Variants in IMPA1 observed in about 807,000 individuals in gnomAD.
IMPA1 encodes the protein inositol monophosphatase 1.
IMPA1 carries 21 observed loss-of-function variants against 34.9 expected under a neutral mutation model. The observed-to-expected ratio is 0.60, with a 90% CI of 0.43 to 0.87. IMPA1 has a LOEUF of 0.87. Ranked by LOEUF, IMPA1 falls within the 40% of genes least tolerant of loss-of-function variation. The pLI is 0.00. For synonymous variants in IMPA1, 95 were observed against 104.4 expected, an observed-to-expected ratio of 0.91 and a Z score of 0.55; for missense variants, 299 against 336.4, an observed-to-expected ratio of 0.89 and a Z score of 0.87.
At chr8:81,661,701 A>C (rs1806677465) in intron 7 of IMPA1, among the ~76,000 whole-genome samples, 1 of 152,266 alleles carries the variant, frequency 6.6e-6, no homozygotes, top group Non-Finnish European at 1.5e-5. Context: ...TCAAAATTTG[A>C]ATAAAGTCTT....
At chr8:81,685,799 T>A in intron 1 of IMPA1, 1 of 1,543,194 alleles carries the variant, frequency 6.5e-7, no homozygotes, top group African/African-American at 1.4e-5. Context: ...CTGAACTGTT[T>A]CCTGCTGTTT....
chr8:81,671,078 A>T (rs1001494399), intron 6 of IMPA1, 31 bp from the exon 7 acceptor site: 4 of 1,094,196 alleles, frequency 3.7e-6, no homozygotes, highest in Non-Finnish European at 5.1e-6. Context: ...TTCAATATTT[A>T]GACTTCTAGA....
At chr8:81,684,526 G>C (rs117408877) in intron 1 of IMPA1, among the ~76,000 whole-genome samples, 9,758 of 120,034 alleles carry the variant, frequency 0.081, 979 homozygotes, top group East Asian at 0.5. Flanking sequence ...ACTATGTGTA[G>C]TATATATACT....
chr8:81,660,209 G>A lies in IMPA1; in HGVS notation c.718+307C>T, dbSNP rs1425215136. On this transcript the variant is annotated intron_variant, in intron 8 of 8. Transcript: ENST00000256108. ...TGGGCCACATTCAAAGCCATCCTGA[G>A]CCACATGTGGCCCATGGACTGCAGG... 3.3e-5 allele frequency among the ~76,000 whole-genome samples: 5 copies of A among 152,252 alleles called. No homozygotes were observed. The South Asian group carries it at 1.0e-3, about 32-fold the overall frequency.
At chr8:81,680,804 G>T in intron 2 of IMPA1, 21 bp from the exon 3 acceptor site, 2 of 1,555,802 alleles carry the variant, frequency 1.3e-6, no homozygotes, top group Admixed American at 1.8e-5. Context: ...GTTTTGGTAA[G>T]CAAATAGAAA....
rs967092214 is a variant in IMPA1, at chr8:81,658,110, T to G, written c.*1241A>C. ...TTAGTATCACACATACTTAATATAT[T>G]AGATATACACAATAATAAAATCACT... On this transcript the variant is annotated 3_prime_UTR_variant, in exon 9 of 9. Transcript: ENST00000256108. 61 of 152,150 alleles carry G rather than the reference T, an allele frequency of 4.0e-4. 1 individual carries two copies. Among genetic ancestry groups the G allele is most frequent in the African/African-American group, 1.4e-3 (60 of 41,424 alleles). 9.4% of individuals were successfully genotyped at this position (152,150 alleles called of 1,614,324 possible).
chr8:81,673,943 A>C lies in IMPA1; in HGVS notation c.355T>G (p.Phe119Val). 6.2e-7 allele frequency: 1 copy of C among 1,601,106 alleles called. No homozygotes were observed. The highest frequency in any genetic ancestry group is 2.2e-5 in the East Asian group (1 of 44,794). ...TCCACACAACTGTACACAACTCCAA[A>C]TTCTATCTGCAGAGGAAAACAAGTT... Reference protein sequence around the residue: ...IGFAVNKKIEFGVVYSCVEGK... With the variant: ...IGFAVNKKIEVGVVYSCVEGK... Residue 119 changes from phenylalanine to valine, a missense_variant, in exon 6 of 9, where the codon TTT (phenylalanine) becomes GTT (valine). Coordinates refer to ENST00000256108, the MANE Select transcript of IMPA1 (RefSeq NM_005536.4).
intron 4 of IMPA1, among the ~76,000 whole-genome samples, chr8:81,677,555 T>C (rs998520285): frequency 3.9e-5 from 6 of 152,234 alleles, no homozygotes; most frequent in African/African-American, 7.2e-5. Context: ...CATGACAGTC[T>C]GAACACAGGT....
intron 7 of IMPA1, among the ~76,000 whole-genome samples, chr8:81,666,025 T>C (rs1159417245): frequency 6.6e-6 from 1 of 152,174 alleles, no homozygotes; most frequent in Non-Finnish European, 1.5e-5. Flanking sequence ...CATTTTATAA[T>C]GTTAAATGAA....
At chr8:81,668,688 T>C (rs1197598482) in intron 7 of IMPA1, among the ~76,000 whole-genome samples, 1 of 152,106 alleles carries the variant, frequency 6.6e-6, no homozygotes. Flanking sequence ...AAAGGTGTGT[T>C]CAAAGGAGGA....
intron 4 of IMPA1, chr8:81,678,839 T>A (rs1171973475): frequency 1.7e-5 from 5 of 299,316 alleles, no homozygotes; most frequent in Non-Finnish European, 3.2e-5. Context: ...AGCAATGTTG[T>A]TTGCTTCCCT....
intron 7 of IMPA1, among the ~76,000 whole-genome samples, chr8:81,661,040 T>C (rs1235331652): frequency 2.6e-5 from 4 of 152,066 alleles, no homozygotes; most frequent in Non-Finnish European, 4.4e-5. Context: ...ACAATGCAAA[T>C]AGTCTCTAGG....
chr8:81,662,923 T>A (rs1329735754), intron 7 of IMPA1, among the ~76,000 whole-genome samples: 1 of 152,204 alleles, frequency 6.6e-6, no homozygotes, highest in Non-Finnish European at 1.5e-5. Context: ...TAAATGTTGG[T>A]TCTTAGGAAC....
At chr8:81,683,856 G>C (rs1052411957) in intron 1 of IMPA1, among the ~76,000 whole-genome samples, 1 of 152,128 alleles carries the variant, frequency 6.6e-6, no homozygotes, top group African/African-American at 2.4e-5. Context: ...GATCCAAATG[G>C]AACAGACTGA....
At chr8:81,680,349 G>C (rs967862173) in intron 3 of IMPA1, among the ~76,000 whole-genome samples, 1 of 152,154 alleles carries the variant, frequency 6.6e-6, no homozygotes, top group Admixed American at 6.5e-5. Context: ...ACCTGCTCTG[G>C]ACTAGGAGAT....
intron 1 of IMPA1, among the ~76,000 whole-genome samples, chr8:81,684,085 G>C (rs1291236352): frequency 6.7e-6 from 1 of 148,308 alleles, no homozygotes; most frequent in East Asian, 2.0e-4. Flanking sequence ...AGCCAGGAAT[G>C]GTGGATGCAA....
Position 81,658,492 on chromosome 8 carries a change from T to G in IMPA1, c.*859A>C, listed in dbSNP as rs1417629764. ...TACTGAACTTAGTAAAATGTTATAT[T>G]GTATCTAATTATGTCAGATATCTGA... On this transcript the variant is annotated 3_prime_UTR_variant, in exon 9 of 9. Coordinates refer to ENST00000256108, the MANE Select transcript of IMPA1 (RefSeq NM_005536.4). 6.6e-6 allele frequency: 1 copy of G among 152,524 alleles called. No individual in the cohort carries two copies. Among genetic ancestry groups the G allele is most frequent in the Non-Finnish European group, 1.5e-5 (1 of 68,016 alleles). The allele number at this position is 152,524 out of a possible 1,614,324, so 9.4% of individuals were successfully genotyped here.
intron 7 of IMPA1, among the ~76,000 whole-genome samples, chr8:81,666,773 G>C (rs968903998): frequency 1.3e-5 from 2 of 150,722 alleles, no homozygotes; most frequent in African/African-American, 4.9e-5. Context: ...AGGAGGCTGA[G>C]GCAGGAGAAC....
chr8:81,686,170 C>G (rs1807520100), intron 1 of IMPA1, 82 bp downstream of exon 1: 1 of 948,108 alleles, frequency 1.1e-6, no homozygotes, highest in African/African-American at 1.7e-5. Context: ...CGCGCCCGCT[C>G]CTGAGGAGGG....
Sources: gnomAD v4.1 joint callset for allele counts (sites outside exome capture counted in the v4.1 genomes callset) on GRCh38, gnomAD v4.1.1 for gene constraint, MANE v1.5 for transcripts, NCBI Gene and HGNC (gene_info 2026-07-23, HGNC 2026-07-21) for gene names.